Variants in ERC1 observed in about 807,000 individuals in gnomAD.
The protein encoded by ERC1 is ELKS/RAB6-interacting/CAST family member 1.
ERC1 carries 56 observed loss-of-function variants against 132.0 expected under a neutral mutation model. The observed-to-expected ratio is 0.42, with a 90% CI of 0.34 to 0.53. The LOEUF is 0.53. ERC1 is among the 20% of genes least tolerant of loss of function. ERC1 has a pLI of 0.03. For synonymous variants in ERC1, 478 were observed against 476.1 expected (o/e 1.00, Z -0.05); for missense variants, 1,202 against 1,349.9 (o/e 0.89, Z 1.72).
At chr12:1,092,062 G>A (rs1449909011) in intron 3 of ERC1, among the ~76,000 whole-genome samples, 3 of 149,768 alleles carry the variant, frequency 2.0e-5, no homozygotes, top group East Asian at 2.0e-4. Flanking sequence ...GCAATGGTGC[G>A]ATCTCGGCTC....
chr12:1,048,433 G>A (rs924981700), intron 2 of ERC1, among the ~76,000 whole-genome samples: 2 of 152,066 alleles, frequency 1.3e-5, no homozygotes, highest in Admixed American at 6.5e-5. Flanking sequence ...TTCAAAGAGC[G>A]AATACCATGT....
chr12:1,116,090 G>A (rs1457748536), intron 7 of ERC1, 57 bp downstream of exon 7: 37 of 1,461,984 alleles, frequency 2.5e-5, no homozygotes, highest in South Asian at 1.8e-4. Flanking sequence ...TTTCATAAGC[G>A]TTACCTGTGC....
chr12:1,395,717 T>G (rs2090478540), intron 16 of ERC1, among the ~76,000 whole-genome samples: 1 of 152,106 alleles, frequency 6.6e-6, no homozygotes, highest in Non-Finnish European at 1.5e-5. Context: ...TTCTAAGGAT[T>G]ACAAAAACGG....
intron 18 of ERC1, among the ~76,000 whole-genome samples, chr12:1,484,111 C>A (rs537379247): frequency 1.3e-5 from 2 of 151,468 alleles, no homozygotes; most frequent in East Asian, 2.0e-4. Flanking sequence ...CAAGACCTTC[C>A]TGGCTAACAT....
intron 1 of ERC1, among the ~76,000 whole-genome samples, chr12:1,004,051 G>C (rs1445316742): frequency 6.6e-6 from 1 of 152,180 alleles, no homozygotes; most frequent in Non-Finnish European, 1.5e-5. Context: ...GGAAGATAGG[G>C]AAGAGGTGAC....
chr12:1,327,502 T>G (rs2082532526), intron 15 of ERC1, among the ~76,000 whole-genome samples: 1 of 152,208 alleles, frequency 6.6e-6, no homozygotes. Context: ...TTGGGTTGTT[T>G]CAGTACTTTC....
chr12:1,301,320 C>G (rs1435023430), intron 15 of ERC1, among the ~76,000 whole-genome samples: 2 of 152,112 alleles, frequency 1.3e-5, no homozygotes, highest in African/African-American at 4.8e-5. Context: ...CAAAAAAACA[C>G]TTAAACCCCA....
At chr12:1,138,488 A>G (rs1191727538) in intron 7 of ERC1, among the ~76,000 whole-genome samples, 1 of 150,534 alleles carries the variant, frequency 6.6e-6, no homozygotes, top group African/African-American at 2.4e-5. Context: ...GTTAAATTCT[A>G]TTACAAAATA....
chr12:1,196,806 T>TTCTCTCTCTCTCTCTCTCTCTC lies in ERC1; in HGVS notation c.2351+6758_2351+6779dup, dbSNP rs755412381. 5.8e-3 allele frequency among the ~76,000 whole-genome samples: 520 copies of TTCTCTCTCTCTCTCTCTCTCTC among 90,298 alleles called. 39 individuals are homozygous for TTCTCTCTCTCTCTCTCTCTCTC. The highest frequency in any genetic ancestry group is 7.7e-3 in the Non-Finnish European group (337 of 43,784). 59.2% of individuals were successfully genotyped at this position (90,298 alleles called of 152,430 possible). A position where few individuals can be genotyped will look rare whatever the true frequency, so the allele number is the denominator to read the frequency against. ...CACCTGGTGCATGTGCGCACGCTAT[T>TTCTCTCTCTCTCTCTCTCTCTC]TCTCTCTCTCTCTCTCTCTCTCTCT... is the stretch of plus-strand genomic sequence containing the variant. On this transcript the variant is annotated intron_variant, in intron 12 of 18. Coordinates refer to ENST00000360905, the MANE Select transcript of ERC1 (RefSeq NM_178040.4).
chr12:1,306,636 T>C (rs978835423), intron 15 of ERC1, among the ~76,000 whole-genome samples: 3 of 152,224 alleles, frequency 2.0e-5, no homozygotes, highest in Non-Finnish European at 4.4e-5. Context: ...CTCTGCTTGC[T>C]AGGGATGAAA....
At chr12:1,003,201 T>C (rs1962810771) in intron 1 of ERC1, among the ~76,000 whole-genome samples, 1 of 152,074 alleles carries the variant, frequency 6.6e-6, no homozygotes, top group South Asian at 2.1e-4. Flanking sequence ...GTAGAATTAC[T>C]TTTTTGTAAT....
At chr12:1,248,717 AAG>A (rs1165867419) in intron 13 of ERC1, among the ~76,000 whole-genome samples, 1 of 152,172 alleles carries the variant, frequency 6.6e-6, no homozygotes, top group African/African-American at 2.4e-5. Flanking sequence ...GGAGTGGGAC[AAG>A]AGTCATACAA....
chr12:1,413,993 G>C (rs1189903194), intron 17 of ERC1, among the ~76,000 whole-genome samples: 1 of 152,182 alleles, frequency 6.6e-6, no homozygotes, highest in African/African-American at 2.4e-5. Context: ...TCAGGCATCA[G>C]TTAGATTCTC....
intron 18 of ERC1, among the ~76,000 whole-genome samples, chr12:1,477,684 G>T (rs2094001876): frequency 6.6e-6 from 1 of 152,170 alleles, no homozygotes; most frequent in Non-Finnish European, 1.5e-5. Context: ...GTATATAGCT[G>T]AATTACACAC....
chr12:1,143,329 C>CGTGTGTGTGTGTGT lies in ERC1; in HGVS notation c.1737+1581_1737+1594dup, dbSNP rs4017792. On this transcript the variant is annotated intron_variant, in intron 8 of 18. Coordinates refer to ENST00000360905, the MANE Select transcript of ERC1 (RefSeq NM_178040.4). ...TCCTAGCTCTGTTTGGCTTTTGACT[C>CGTGTGTGTGTGTGT]GTGTGTGTGTGTGTGTGTGTGTGTG... Among the ~76,000 whole-genome samples, 114 of 128,966 alleles carry CGTGTGTGTGTGTGT rather than the reference C, an allele frequency of 8.8e-4. 1 individual carries two copies. The highest frequency in any genetic ancestry group is 6.5e-3 in the East Asian group (25 of 3,836). The allele number at this position is 128,966 out of a possible 152,430, so 84.6% of individuals were successfully genotyped here.
At chr12:1,301,928 C>G (rs2080434966) in intron 15 of ERC1, among the ~76,000 whole-genome samples, 1 of 152,134 alleles carries the variant, frequency 6.6e-6, no homozygotes, top group Non-Finnish European at 1.5e-5. Context: ...AATGTTTAAG[C>G]AAGATGTAAT....
chr12:1,009,860 A>G (rs1466843127), intron 1 of ERC1, among the ~76,000 whole-genome samples: 3 of 152,222 alleles, frequency 2.0e-5, no homozygotes, highest in Non-Finnish European at 1.5e-5. Flanking sequence ...TGATTTTTAT[A>G]AATATGCAAT....
intron 2 of ERC1, among the ~76,000 whole-genome samples, chr12:1,045,078 A>G (rs1319245306): frequency 6.6e-6 from 1 of 152,164 alleles, no homozygotes; most frequent in African/African-American, 2.4e-5. Flanking sequence ...ATGACTTAAC[A>G]AGGCAGTGGA....
At chr12:1,375,331 C>T (rs1246242890) in intron 16 of ERC1, among the ~76,000 whole-genome samples, 1 of 152,166 alleles carries the variant, frequency 6.6e-6, no homozygotes, top group Non-Finnish European at 1.5e-5. Context: ...CTTGTGAGAA[C>T]TCACTATCTT....
Sources: allele counts gnomAD v4.1 joint callset (sites outside exome capture counted in the v4.1 genomes callset), GRCh38; gene constraint gnomAD v4.1.1; transcripts MANE v1.5; gene names NCBI Gene and HGNC (gene_info 2026-07-23, HGNC 2026-07-21).